The following SPTLC3 variants were observed in gnomAD, a reference collection of about 807,000 sequenced individuals.
SPTLC3 encodes serine palmitoyltransferase long chain base subunit 3.
SPTLC3 carries 36 observed loss-of-function variants against 59.3 expected under a neutral mutation model. That is an observed-to-expected ratio of 0.61 (90% CI 0.47 to 0.80). SPTLC3 has a LOEUF of 0.80. Among genes scored for constraint, SPTLC3 ranks in the 30% least tolerant of loss-of-function variants. SPTLC3 has a pLI of 0.00. For synonymous variants in SPTLC3, 257 were observed against 240.8 expected, an observed-to-expected ratio of 1.07 and a Z score of -0.62; for missense variants, 625 against 685.1, an observed-to-expected ratio of 0.91 and a Z score of 0.98.
chr20:13,066,466 C>T (rs1162011748), intron 2 of SPTLC3, among the ~76,000 whole-genome samples: 2 of 152,064 alleles, frequency 1.3e-5, no homozygotes, highest in East Asian at 3.9e-4. Context: ...ATTACTGTAC[C>T]TTTGTAGTAT....
At chr20:13,109,054 C>G (rs564624827) in intron 6 of SPTLC3, among the ~76,000 whole-genome samples, 4 of 152,106 alleles carry the variant, frequency 2.6e-5, no homozygotes, top group Non-Finnish European at 5.9e-5. Flanking sequence ...CCATTTTTTT[C>G]TTGCTAGGCT....
chr20:13,037,216 C>G (rs1986776295), intron 1 of SPTLC3, among the ~76,000 whole-genome samples: 1 of 152,150 alleles, frequency 6.6e-6, no homozygotes. Flanking sequence ...CGTTCCCTCA[C>G]TTCCCATTGG....
chr20:13,149,661 T>C (rs1033828321), intron 9 of SPTLC3, among the ~76,000 whole-genome samples: 2 of 152,154 alleles, frequency 1.3e-5, no homozygotes, highest in Non-Finnish European at 2.9e-5. Context: ...GGTTTAAAGA[T>C]AGGAAAGATA....
At chr20:13,047,633 T>G (rs1454541602) in intron 1 of SPTLC3, among the ~76,000 whole-genome samples, 1 of 152,130 alleles carries the variant, frequency 6.6e-6, no homozygotes, top group Non-Finnish European at 1.5e-5. Flanking sequence ...ACGTATTTAC[T>G]AATCAATTGA....
intron 9 of SPTLC3, among the ~76,000 whole-genome samples, chr20:13,129,798 C>A (rs2038081042): frequency 6.6e-6 from 1 of 152,216 alleles, no homozygotes; most frequent in Non-Finnish European, 1.5e-5. Context: ...CAGTAATCAT[C>A]TGCCATCAAT....
At chr20:13,074,890 G>T (rs983350284) in intron 4 of SPTLC3, among the ~76,000 whole-genome samples, 2 of 152,180 alleles carry the variant, frequency 1.3e-5, no homozygotes, top group Non-Finnish European at 2.9e-5. Context: ...TGAGAAGAGG[G>T]ATTGGACTTG....
intron 2 of SPTLC3, among the ~76,000 whole-genome samples, chr20:13,059,139 G>T (rs1987846552): frequency 6.6e-6 from 1 of 152,128 alleles, no homozygotes; most frequent in Admixed American, 6.5e-5. Context: ...AAACATAGTT[G>T]TTTACATATC....
intron 9 of SPTLC3, among the ~76,000 whole-genome samples, chr20:13,150,662 A>T (rs769151183): frequency 3.7e-4 from 56 of 152,138 alleles, no homozygotes; most frequent in African/African-American, 1.3e-3. Context: ...CCTTCCAATC[A>T]TTAAATGTGG....
At chr20:13,126,461 C>T (rs529474477) in intron 8 of SPTLC3, 130 bp from the exon 9 acceptor site, 29 of 1,050,054 alleles carry the variant, frequency 2.8e-5, no homozygotes, top group Middle Eastern at 2.2e-4. Context: ...GAAAGTTGGA[C>T]CCCATTCATC....
intron 1 of SPTLC3, among the ~76,000 whole-genome samples, chr20:13,044,405 A>G (rs1600227218): frequency 6.6e-6 from 1 of 152,088 alleles, no homozygotes; most frequent in African/African-American, 2.4e-5. Context: ...CCCAGCTGAT[A>G]CATTATATTC....
At chr20:13,083,098 G>T (rs1032449320) in intron 4 of SPTLC3, among the ~76,000 whole-genome samples, 5 of 152,188 alleles carry the variant, frequency 3.3e-5, no homozygotes, top group Non-Finnish European at 5.9e-5. Flanking sequence ...TGACACCTGT[G>T]TTTCTTCTCA....
chr20:13,123,056 C>T (rs535091635), intron 8 of SPTLC3, among the ~76,000 whole-genome samples: 19 of 152,100 alleles, frequency 1.2e-4, no homozygotes, highest in African/African-American at 3.1e-4. Context: ...CTCGGCCAGG[C>T]GTGGTGGCTC....
chr20:13,163,656 G>A (rs188185186), intron 11 of SPTLC3, among the ~76,000 whole-genome samples: 3 of 152,050 alleles, frequency 2.0e-5, no homozygotes, highest in East Asian at 1.9e-4. Flanking sequence ...ATCAATTACT[G>A]TTAACAAGTT....
chr20:13,137,526 T>A (rs2038276233), intron 9 of SPTLC3, among the ~76,000 whole-genome samples: 1 of 152,160 alleles, frequency 6.6e-6, no homozygotes, highest in South Asian at 2.1e-4. Context: ...TATGATGATA[T>A]TCCCTATTCT....
chr20:13,024,582 A>G (rs572980406), intron 1 of SPTLC3, among the ~76,000 whole-genome samples: 1 of 152,302 alleles, frequency 6.6e-6, no homozygotes, highest in South Asian at 2.1e-4. Context: ...ATATCATTCA[A>G]TGAGTTTTGA....
chr20:13,018,625 T>C (rs1015370551), intron 1 of SPTLC3, among the ~76,000 whole-genome samples: 2 of 152,246 alleles, frequency 1.3e-5, no homozygotes, highest in Non-Finnish European at 2.9e-5. Flanking sequence ...ATTGGCTTAA[T>C]TAACATATTT....
chr20:13,073,791 C>G, intron 3 of SPTLC3: 1 of 600,612 alleles, frequency 1.7e-6, no homozygotes, highest in Non-Finnish European at 3.3e-6. Flanking sequence ...CTGCACTGGT[C>G]CTGGAGCTGT....
intron 9 of SPTLC3, among the ~76,000 whole-genome samples, chr20:13,150,663 T>C (rs1198024847): frequency 1.3e-5 from 2 of 152,232 alleles, no homozygotes; most frequent in African/African-American, 4.8e-5. Flanking sequence ...CTTCCAATCA[T>C]TAAATGTGGG....
intron 1 of SPTLC3, among the ~76,000 whole-genome samples, chr20:13,028,666 T>C (rs1161618861): frequency 3.3e-5 from 5 of 152,096 alleles, no homozygotes; most frequent in Admixed American, 6.6e-5. Context: ...TTAGGAACTA[T>C]TAGACTAACC....
Sources: allele counts gnomAD v4.1 joint callset (sites outside exome capture counted in the v4.1 genomes callset), GRCh38; gene constraint gnomAD v4.1.1; transcripts MANE v1.5; gene names NCBI Gene and HGNC (gene_info 2026-07-23, HGNC 2026-07-21).